The following PRMT8 variants were observed in gnomAD, a reference collection of about 807,000 sequenced individuals.
PRMT8 encodes protein arginine N-methyltransferase 8.
A neutral mutation model predicts 47.1 loss-of-function variants in PRMT8; 7 were observed. The ratio of observed to expected loss-of-function variants is 0.15; its 90% CI spans 0.08 to 0.28. The LOEUF (loss-of-function observed/expected upper bound fraction) is 0.28, where lower values mean the gene tolerates loss of function less well. Ranked by LOEUF, PRMT8 falls within the 10% of genes least tolerant of loss-of-function variation. The pLI is 1.00. For synonymous variants in PRMT8, 188 were observed against 186.5 expected, an observed-to-expected ratio of 1.01 and a Z score of -0.07; for missense variants, 237 against 505.4, an observed-to-expected ratio of 0.47 and a Z score of 5.09.
chr12:3,470,005 A>C (rs766009585), intron 1 of PRMT8, among the ~76,000 whole-genome samples: 1 of 152,232 alleles, frequency 6.6e-6, no homozygotes, highest in Non-Finnish European at 1.5e-5. Context: ...TGACACCTCA[A>C]CACAATAACG....
rs556898559 is a variant in PRMT8, at chr12:3,564,752, T to G, written c.482-3954T>G. ...AGATTGGGCATGGAGCTCTGCAGCCTACGGCTGCTCGGAATCTTAATATCA... is the reference window on the plus strand; with the variant it reads ...AGATTGGGCATGGAGCTCTGCAGCCGACGGCTGCTCGGAATCTTAATATCA... On this transcript the variant is annotated intron_variant, in intron 4 of 9. Coordinates refer to ENST00000382622, the MANE Select transcript of PRMT8 (RefSeq NM_019854.5). The surrounding 1 kb of genome is among the most constrained non-coding windows in gnomAD (Gnocchi z 4.0). Among the ~76,000 whole-genome samples, 4 of 152,384 alleles carry G rather than the reference T, an allele frequency of 2.6e-5. No individual in the cohort carries two copies. Among genetic ancestry groups the G allele is most frequent in the Non-Finnish European group, 5.9e-5 (4 of 68,038 alleles).
chr12:3,434,053 G>A (rs1864711243), intron 1 of PRMT8, among the ~76,000 whole-genome samples: 1 of 152,236 alleles, frequency 6.6e-6, no homozygotes, highest in African/African-American at 2.4e-5. Flanking sequence ...ATAGGCGGGA[G>A]CAGGAAGGGA....
At chr12:3,417,855 G>A (rs919769896) in intron 1 of PRMT8, among the ~76,000 whole-genome samples, 3 of 152,194 alleles carry the variant, frequency 2.0e-5, no homozygotes, top group Non-Finnish European at 2.9e-5. Context: ...GACCTTGAAT[G>A]TGCTCTATCT....
chr12:3,491,174 C>T (rs1026944747), upstream of PRMT8: 1 of 991,012 alleles, frequency 1.0e-6, no homozygotes, highest in Admixed American at 5.9e-5. Flanking sequence ...CCGGCTCAGC[C>T]CCTAGGAGAG....
At chr12:3,567,964 T>TC (rs1866754385) in intron 4 of PRMT8, among the ~76,000 whole-genome samples, 1 of 151,926 alleles carries the variant, frequency 6.6e-6, no homozygotes, top group Non-Finnish European at 1.5e-5. Flanking sequence ...TCCCAGCTAC[T>TC]TGGAGGCTGA....
At chr12:3,578,115 CA>C (rs1866982163) in intron 7 of PRMT8, among the ~76,000 whole-genome samples, 1 of 152,126 alleles carries the variant, frequency 6.6e-6, no homozygotes, top group South Asian at 2.1e-4. Context: ...TAATTCAAGC[CA>C]AAAAAATTTT....
In PRMT8 at chr12:3,412,302, T is replaced by A. The variant is rs78230252; in HGVS notation, c.48+30860T>A. ...ACCTGTACAGGGCACTTACCATGAA[T>A]GGAGCTTACAGAACTAGAAGTTGTT... On this transcript the variant is annotated intron_variant, in intron 1 of 9. Transcript: ENST00000452611. Among the ~76,000 whole-genome samples the A allele has an allele frequency of 5.3e-3, 802 of 152,390 alleles. 3 individuals carry two copies. Among genetic ancestry groups the A allele is most frequent in the Admixed American group, 6.3e-3 (97 of 15,312 alleles).
At chr12:3,592,136 G>C in intron 8 of PRMT8, 95 bp from the exon 9 acceptor site, 2 of 1,400,246 alleles carry the variant, frequency 1.4e-6, no homozygotes, top group Non-Finnish European at 1.9e-6. Context: ...CCCAGGGGAA[G>C]CCCAGCAACT....
chr12:3,412,982 G>A (rs1037329873), intron 1 of PRMT8, among the ~76,000 whole-genome samples: 5 of 152,134 alleles, frequency 3.3e-5, no homozygotes, highest in Non-Finnish European at 7.4e-5. Flanking sequence ...GGTAGCAAAA[G>A]CCCTCTAGGC....
At chr12:3,579,213 A>G (rs1867005921) in intron 7 of PRMT8, among the ~76,000 whole-genome samples, 1 of 152,150 alleles carries the variant, frequency 6.6e-6, no homozygotes, top group Non-Finnish European at 1.5e-5. Context: ...GATATTTACC[A>G]TTAGGCATCT....
Position 3,508,698 on chromosome 12 carries a change from C to T in PRMT8, c.75+16998C>T, listed in dbSNP as rs535552308. Among the ~76,000 whole-genome samples, 2 of 152,272 alleles carry T rather than the reference C, an allele frequency of 1.3e-5. No individual in the cohort carries two copies. The highest frequency in any genetic ancestry group is 1.9e-4 in the East Asian group (1 of 5,182). On this transcript the variant is annotated intron_variant, in intron 1 of 9. Coordinates refer to ENST00000382622, the MANE Select transcript of PRMT8 (RefSeq NM_019854.5). This position sits in a 1 kb window ranked among gnomAD's most constrained non-coding sequence, Gnocchi z 4.9. Reference sequence around the variant, plus strand: ...CGGGTGACCCCATCCACTCTCTCAGCGTCATGACCAGTTCCCATTCTCAGA... The same window carrying T: ...CGGGTGACCCCATCCACTCTCTCAGTGTCATGACCAGTTCCCATTCTCAGA...
intron 1 of PRMT8, among the ~76,000 whole-genome samples, chr12:3,437,811 G>A (rs1211354690): frequency 2.6e-5 from 4 of 152,054 alleles, no homozygotes; most frequent in African/African-American, 9.7e-5. Context: ...CAAAATGAGA[G>A]CAGCAGACAG....
At chr12:3,541,402 C>G (rs1866228223) in intron 2 of PRMT8, among the ~76,000 whole-genome samples, 1 of 152,184 alleles carries the variant, frequency 6.6e-6, no homozygotes, top group Non-Finnish European at 1.5e-5. Flanking sequence ...TAGTGGGGGC[C>G]TAATGGTGCC....
At chr12:3,587,496 C>T (rs1867205530) in intron 8 of PRMT8, among the ~76,000 whole-genome samples, 1 of 151,980 alleles carries the variant, frequency 6.6e-6, no homozygotes, top group Non-Finnish European at 1.5e-5. Context: ...CATTAATTTG[C>T]TTACACTTAT....
chr12:3,386,458 T>A lies in PRMT8; in HGVS notation c.48+5016T>A, dbSNP rs143014475. On this transcript the variant is annotated intron_variant, in intron 1 of 9. Coordinates refer to the PRMT8 transcript ENST00000452611. ...TTCTTGGTCCTTCAATGCCCACTTC[T>A]AATATCAATAAACAAGTAACCTTTC... 1.7e-3 allele frequency among the ~76,000 whole-genome samples: 264 copies of A among 152,330 alleles called. 1 individual carries two copies. Among genetic ancestry groups the A allele is most frequent in the African/African-American group, 6.1e-3 (253 of 41,580 alleles).
chr12:3,450,677 C>G (rs868698458), intron 1 of PRMT8, among the ~76,000 whole-genome samples: 3 of 152,192 alleles, frequency 2.0e-5, no homozygotes, highest in African/African-American at 7.2e-5. Context: ...GCCTGCAACT[C>G]AATTCCACAC....
At chr12:3,549,148 A>T (rs1408215662) in intron 2 of PRMT8, among the ~76,000 whole-genome samples, 1 of 152,158 alleles carries the variant, frequency 6.6e-6, no homozygotes, top group African/African-American at 2.4e-5. Flanking sequence ...GGCATGAAGG[A>T]CTTTCTGGGG....
intron 1 of PRMT8, among the ~76,000 whole-genome samples, chr12:3,433,707 G>T (rs889551031): frequency 1.3e-5 from 2 of 152,184 alleles, no homozygotes; most frequent in African/African-American, 4.8e-5. Flanking sequence ...GGCCTCCCGG[G>T]TTCAAGCAAT....
chr12:3,497,250 G>C lies in PRMT8; in HGVS notation c.75+5550G>C, dbSNP rs1865524744. 1.3e-5 allele frequency among the ~76,000 whole-genome samples: 2 copies of C among 152,204 alleles called. 1 individual carries two copies. On this transcript the variant is annotated intron_variant, in intron 1 of 9. Transcript: ENST00000382622. The stretch of plus-strand genomic sequence containing the variant: ...CTGTTGTGAACTGGCTTAGTAACAA[G>C]ATAGAGTGAGCACAGGCAAGAAGGG...
Sources: allele counts gnomAD v4.1 joint callset (sites outside exome capture counted in the v4.1 genomes callset), GRCh38; gene constraint gnomAD v4.1.1; non-coding constraint Gnocchi (gnomAD v3.1); transcripts MANE v1.5; gene names NCBI Gene and HGNC (gene_info 2026-07-23, HGNC 2026-07-21).